Variants in ANKRD13B observed in about 807,000 individuals in gnomAD.
ANKRD13B encodes ankyrin repeat domain 13B, also known as ankyrin repeat domain-containing protein 13B.
A neutral mutation model predicts 74.4 loss-of-function variants in ANKRD13B; 33 were observed. That is an observed-to-expected ratio of 0.44 (90% CI 0.34 to 0.59). ANKRD13B has a LOEUF of 0.59. Among genes scored for constraint, ANKRD13B ranks in the 20% least tolerant of loss-of-function variants. The pLI, the probability that ANKRD13B is intolerant of heterozygous loss-of-function variation, is 0.02. For missense variants in ANKRD13B, 676 were observed against 877.9 expected, an observed-to-expected ratio of 0.77 and a Z score of 2.91; for synonymous variants, 341 against 362.9, an observed-to-expected ratio of 0.94 and a Z score of 0.68.
chr17:29,607,402 C>T (rs1005477003), intron 1 of ANKRD13B, among the ~76,000 whole-genome samples: 2 of 152,182 alleles, frequency 1.3e-5, no homozygotes, highest in African/African-American at 2.4e-5. Flanking sequence ...CACTTCAGTC[C>T]CAGGCTTATT....
chr17:29,612,108 G>T lies in ANKRD13B; in HGVS notation c.1101-8G>T, dbSNP rs769094235. 1.2e-6 allele frequency: 2 copies of T among 1,613,546 alleles called. No homozygotes were observed. Among genetic ancestry groups the T allele is most frequent in the Non-Finnish European group, 8.5e-7 (1 of 1,179,642 alleles). ...TGTCCCTTACCCCTTGGGATCTGGT[G>T]GGGGCAGGTTCAAGGCCAAGCTGTG... is the stretch of plus-strand genomic sequence containing the variant. On this transcript the variant is annotated splice_region_variant and splice_polypyrimidine_tract_variant and intron_variant, in intron 10 of 14. Transcript: ENST00000394859. This position sits in a 1 kb window ranked among gnomAD's most constrained non-coding sequence, Gnocchi z 6.1.
chr17:29,607,706 C>T lies in ANKRD13B; in HGVS notation c.115-36C>T, dbSNP rs577448158. ...CTCCGGAGGGCTGCCTCCGACGTGA[C>T]TGGGGCTTTATCTTCCACTCCTCCT... On this transcript the variant is annotated intron_variant, in intron 1 of 14. Transcript: ENST00000394859. 1.0e-5 allele frequency: 16 copies of T among 1,579,736 alleles called. No homozygotes were observed. In the South Asian group the frequency reaches 1.7e-4, roughly 17 times the overall value.
At chr17:29,603,698 ACTATCTTTAGATGGT>A (rs1423146816) in intron 1 of ANKRD13B, among the ~76,000 whole-genome samples, 1 of 152,076 alleles carries the variant, frequency 6.6e-6, no homozygotes, top group African/African-American at 2.4e-5. Flanking sequence ...TACTGTACTT[ACTATCTTTAGATGGT>A]CCACTGGGTT....
At chr17:29,602,549 T>G (rs142430364) in intron 1 of ANKRD13B, among the ~76,000 whole-genome samples, 2 of 152,274 alleles carry the variant, frequency 1.3e-5, no homozygotes, top group Non-Finnish European at 2.9e-5. Context: ...CCCTCTTGGC[T>G]TGTGGCTGCA....
At chr17:29,610,848 C>A in intron 8 of ANKRD13B, 82 bp downstream of exon 8, 1 of 1,331,352 alleles carries the variant, frequency 7.5e-7, no homozygotes, top group African/African-American at 1.4e-5. Flanking sequence ...ATCAGTATTC[C>A]CACTGGCATC....
chr17:29,612,777 C>G lies in ANKRD13B; in HGVS notation c.1537C>G (p.Gln513Glu), dbSNP rs759692406. The change falls in exon 13 of 15, where the codon CAG becomes GAG. Residue 513 changes from glutamine to glutamate, a missense_variant. Physicochemically the swap from Gln to Glu is conservative, Grantham distance 29. Coordinates refer to ENST00000394859, the MANE Select transcript of ANKRD13B (RefSeq NM_152345.5). This position sits in a 1 kb window ranked among gnomAD's most constrained non-coding sequence, Gnocchi z 6.1. ...CGACGACCTGCTGCAATTCGCCATCCAGCAGAGCCTGCTTGAGGCGGGCAG... is the reference window on the plus strand; with the variant it reads ...CGACGACCTGCTGCAATTCGCCATCGAGCAGAGCCTGCTTGAGGCGGGCAG... The part of the protein sequence containing the change: ...DDDDLLQFAI[Q>E]QSLLEAGSEY... 3 of 1,603,484 alleles carry G rather than the reference C, an allele frequency of 1.9e-6. No individual in the cohort carries two copies. In the Admixed American group the frequency reaches 5.0e-5, roughly 27 times the overall value.
intron 2 of ANKRD13B, 28 bp from the exon 3 acceptor site, chr17:29,607,958 C>T (rs369494016): frequency 1.0e-4 from 161 of 1,593,946 alleles, no homozygotes; most frequent in Non-Finnish European, 1.1e-4. Flanking sequence ...AGGGTCCTGC[C>T]CTGTGACCTT....
intron 1 of ANKRD13B, among the ~76,000 whole-genome samples, chr17:29,598,957 G>T (rs1440397313): frequency 6.6e-6 from 1 of 152,222 alleles, no homozygotes; most frequent in Non-Finnish European, 1.5e-5. Context: ...GCCAGGTGCT[G>T]CCTGGGGAGT....
At chr17:29,597,288 A>G (rs2150872530) in intron 1 of ANKRD13B, among the ~76,000 whole-genome samples, 1 of 152,316 alleles carries the variant, frequency 6.6e-6, no homozygotes, top group South Asian at 2.1e-4. Context: ...TCCTGTGCAA[A>G]TACGCACACA....
chr17:29,593,740 G>A lies in ANKRD13B; in HGVS notation c.114+5G>A. On this transcript the variant is annotated splice_donor_5th_base_variant and intron_variant, in intron 1 of 14. Coordinates refer to ENST00000394859, the MANE Select transcript of ANKRD13B (RefSeq NM_152345.5). The stretch of plus-strand genomic sequence containing the variant: ...AAGGAGGTCCGCGCGGGCCAGGTAG[G>A]AGCGCCTTCGGGGCGCCGCGGGGAC... The A allele has an allele frequency of 7.2e-7, 1 of 1,394,954 alleles. No individual in the cohort carries two copies. Among genetic ancestry groups the A allele is most frequent in the Non-Finnish European group, 9.4e-7 (1 of 1,064,900 alleles). The allele number at this position is 1,394,954 out of a possible 1,614,324, so 86.4% of individuals were successfully genotyped here.
Position 29,613,459 on chromosome 17 carries a change from C to G in ANKRD13B, c.1758C>G (p.Tyr586Ter). ...CCGGCGGCCACGTGTTCCGGAGCTA[C>G]GACGAGCAGCTGCGGCTGGCGATGG... ...PGSGGHVFRS[Y>*]DEQLRLAMEL... Residue 586 changes from tyrosine to a stop codon, truncating the protein, a stop_gained, in exon 15 of 15, where the codon TAC (tyrosine) becomes TAG (stop). Transcript: ENST00000394859. LOFTEE classifies it high-confidence loss of function. 6.5e-7 allele frequency: 1 copy of G among 1,532,908 alleles called. No individual in the cohort carries two copies. The highest frequency in any genetic ancestry group is 8.8e-7 in the Non-Finnish European group (1 of 1,142,014). The allele number at this position is 1,532,908 out of a possible 1,614,324, so 95.0% of individuals were successfully genotyped here.
At chr17:29,601,726 A>G (rs998444562) in intron 1 of ANKRD13B, among the ~76,000 whole-genome samples, 13 of 151,908 alleles carry the variant, frequency 8.6e-5, no homozygotes, top group African/African-American at 2.7e-4. Context: ...TTCACCGGGT[A>G]TGGAATTCTA....
intron 1 of ANKRD13B, among the ~76,000 whole-genome samples, chr17:29,596,416 G>T (rs1178254511): frequency 6.6e-6 from 1 of 152,240 alleles, no homozygotes; most frequent in Non-Finnish European, 1.5e-5. Flanking sequence ...TGTAAGCCAG[G>T]GAATATGCCA....
intron 1 of ANKRD13B, among the ~76,000 whole-genome samples, chr17:29,602,275 A>G (rs1475584067): frequency 6.6e-6 from 1 of 151,986 alleles, no homozygotes; most frequent in Non-Finnish European, 1.5e-5. Context: ...GGTGCCTGTA[A>G]TCCCAGCTAC....
In ANKRD13B at chr17:29,612,759, C is replaced by G. The variant is rs1287168917; in HGVS notation, c.1519C>G (p.Leu507Val). 1 of 1,603,194 alleles carries G rather than the reference C, an allele frequency of 6.2e-7. No homozygotes were observed. Among genetic ancestry groups the G allele is most frequent in the Non-Finnish European group, 8.5e-7 (1 of 1,179,054 alleles). Residue 507 changes from leucine to valine, a missense_variant, in exon 13 of 15, where the codon CTG becomes GTG. Leu to Val is a conservative substitution (Grantham distance 32, BLOSUM62 1). Around this residue, in one of 4 missense-constraint regions of ANKRD13B, gnomAD observed 152 missense variants for 181.4 expected, o/e 0.84. Coordinates refer to ENST00000394859, the MANE Select transcript of ANKRD13B (RefSeq NM_152345.5). The surrounding 1 kb of genome is among the most constrained non-coding windows in gnomAD (Gnocchi z 6.1). ...EAATRDDDDD[L>V]LQFAIQQSLL... ...GGCGACCCGGGACGACGACGACGACCTGCTGCAATTCGCCATCCAGCAGAG... is the reference window on the plus strand; with the variant it reads ...GGCGACCCGGGACGACGACGACGACGTGCTGCAATTCGCCATCCAGCAGAG...
Position 29,612,318 on chromosome 17 carries a change from C to G in ANKRD13B, c.1258+45C>G, listed in dbSNP as rs752190284. On this transcript the variant is annotated intron_variant, in intron 11 of 14. Coordinates refer to ENST00000394859, the MANE Select transcript of ANKRD13B (RefSeq NM_152345.5). The surrounding 1 kb of genome is among the most constrained non-coding windows in gnomAD (Gnocchi z 6.1). ...TCTCCTGAGCCCGTGGCGGGCCGAC[C>G]GGGGTTTAGATGAGGTCGGGGTGGG... 2 of 1,612,114 alleles carry G rather than the reference C, an allele frequency of 1.2e-6. No individual in the cohort carries two copies. Among genetic ancestry groups the G allele is most frequent in the Non-Finnish European group, 1.7e-6 (2 of 1,178,730 alleles).
At position 29,612,875 on chromosome 17, in the gene ANKRD13B, GC is replaced by G. The variant is rs1407978514; in HGVS notation, c.1576-10del. On this transcript the variant is annotated splice_polypyrimidine_tract_variant and intron_variant, in intron 13 of 14. Transcript: ENST00000394859. The surrounding 1 kb of genome is among the most constrained non-coding windows in gnomAD (Gnocchi z 6.1). ...CCGCGCCGCCACGGCTAACGCCCAC[GC>G]CTCCCCGCAGGTCACCATCTGGGAG... 1 of 1,599,294 alleles carries G rather than the reference GC, an allele frequency of 6.3e-7. No individual in the cohort carries two copies.
rs2034474772 is a variant in ANKRD13B, at chr17:29,608,684, A to C, written c.422-167A>C. On this transcript the variant is annotated intron_variant, in intron 4 of 14. Coordinates refer to ENST00000394859, the MANE Select transcript of ANKRD13B (RefSeq NM_152345.5). This position sits in a 1 kb window ranked among gnomAD's most constrained non-coding sequence, Gnocchi z 6.4. ...CGACCTCAGGTTGCTCTTCTGTGTG[A>C]GTATGGTCTACACTGGCCAGGGAGG... 2 of 948,590 alleles carry C rather than the reference A, an allele frequency of 2.1e-6. No homozygotes were observed. The highest frequency in any genetic ancestry group is 5.8e-5 in the Admixed American group (2 of 34,262). The allele number at this position is 948,590 out of a possible 1,614,324, so 58.8% of individuals were successfully genotyped here. A position where few individuals can be genotyped will look rare whatever the true frequency, so the allele number is the denominator to read the frequency against.
Position 29,608,240 on chromosome 17 carries a change from G to C in ANKRD13B, c.421G>C (p.Val141Leu). 1 of 1,614,128 alleles carries C rather than the reference G, an allele frequency of 6.2e-7. No individual in the cohort carries two copies. Among genetic ancestry groups the C allele is most frequent in the Non-Finnish European group, 8.5e-7 (1 of 1,180,028 alleles). ...VEMKWEFTSW[V>L]PLVSKICPSD... Reference sequence around the variant, plus strand: ...GATGAAATGGGAGTTCACTAGCTGGGGTAAGCGGGCTGCAGCAGGTCGCTT... The same window carrying C: ...GATGAAATGGGAGTTCACTAGCTGGCGTAAGCGGGCTGCAGCAGGTCGCTT... Residue 141 changes from valine (V) to leucine (L), a missense_variant and splice_region_variant, in exon 4 of 15, where the codon GTG becomes CTG. By Grantham distance (32) the Val-to-Leu change is conservative. This residue lies in a region of ANKRD13B where 328 missense variants were observed against 518.4 expected (regional missense o/e 0.63). Transcript: ENST00000394859. The surrounding 1 kb of genome is among the most constrained non-coding windows in gnomAD (Gnocchi z 6.4).
Sources: gnomAD v4.1 joint callset for allele counts (sites outside exome capture counted in the v4.1 genomes callset) on GRCh38, gnomAD v4.1.1 for gene constraint, gnomAD v4.1.1 regional missense constraint, Gnocchi (gnomAD v3.1) non-coding constraint, MANE v1.5 for transcripts, NCBI Gene and HGNC (gene_info 2026-07-23, HGNC 2026-07-21) for gene names.